Variants in MYRIP observed in about 807,000 individuals in gnomAD.
MYRIP encodes myosin VIIA and Rab interacting protein.
In MYRIP, 49 loss-of-function variants were observed where a neutral mutation model predicts 98.0. The ratio of observed to expected loss-of-function variants is 0.50; its 90% CI spans 0.40 to 0.63. The LOEUF is 0.63. Among genes scored for constraint, MYRIP ranks in the 30% least tolerant of loss-of-function variants. The pLI is 0.00. For missense variants in MYRIP, 1,004 were observed against 1,058.2 expected (o/e 0.95, Z 0.71); for synonymous variants, 404 against 409.5 (o/e 0.99, Z 0.16).
chr3:39,894,424 T>G (rs576064923), intron 1 of MYRIP, among the ~76,000 whole-genome samples: 1 of 152,336 alleles, frequency 6.6e-6, no homozygotes, highest in African/African-American at 2.4e-5. Context: ...AATATACCTA[T>G]ACCGTTATAT....
intron 3 of MYRIP, among the ~76,000 whole-genome samples, chr3:40,074,456 A>C (rs1301669717): frequency 1.3e-5 from 2 of 152,202 alleles, no homozygotes; most frequent in Non-Finnish European, 2.9e-5. Flanking sequence ...GTACATATTA[A>C]AATTAAAATA....
At chr3:40,052,117 T>C (rs1191547708) in intron 3 of MYRIP, among the ~76,000 whole-genome samples, 1 of 152,124 alleles carries the variant, frequency 6.6e-6, no homozygotes, top group African/African-American at 2.4e-5. Context: ...TACTATTGAA[T>C]ACTATAACTT....
At chr3:40,242,901 A>G (rs1477734789) in intron 12 of MYRIP, among the ~76,000 whole-genome samples, 1 of 151,676 alleles carries the variant, frequency 6.6e-6, no homozygotes, top group African/African-American at 2.4e-5. Context: ...AAATTTTGTG[A>G]TACATTATTT....
chr3:40,105,857 G>A (rs1208289796), intron 3 of MYRIP, among the ~76,000 whole-genome samples: 2 of 152,046 alleles, frequency 1.3e-5, no homozygotes, highest in African/African-American at 4.8e-5. Flanking sequence ...AACAGCATAG[G>A]GAAACTGCCC....
chr3:40,002,167 G>A (rs926278569), intron 2 of MYRIP, among the ~76,000 whole-genome samples: 3 of 152,162 alleles, frequency 2.0e-5, no homozygotes, highest in African/African-American at 7.2e-5. Flanking sequence ...AGAACTTAAG[G>A]TGTATGAACA....
chr3:40,052,709 T>C (rs934570927), intron 3 of MYRIP, among the ~76,000 whole-genome samples: 5 of 152,172 alleles, frequency 3.3e-5, no homozygotes, highest in Non-Finnish European at 7.3e-5. Context: ...TTAAATGCTG[T>C]ACAAAAATGA....
At chr3:40,098,886 A>AT (rs1948885618) in intron 3 of MYRIP, among the ~76,000 whole-genome samples, 1 of 140,108 alleles carries the variant, frequency 7.1e-6, no homozygotes, top group Non-Finnish European at 1.5e-5. Context: ...CTCCAGGCAT[A>AT]TATTAAGAGG....
chr3:40,232,097 C>T (rs1269082595), intron 11 of MYRIP, among the ~76,000 whole-genome samples: 1 of 152,202 alleles, frequency 6.6e-6, no homozygotes, highest in Non-Finnish European at 1.5e-5. Context: ...TGCCCTTATT[C>T]TAGTGGGTCT....
chr3:40,249,720 T>C (rs982922721), intron 13 of MYRIP, among the ~76,000 whole-genome samples: 7 of 152,134 alleles, frequency 4.6e-5, no homozygotes, highest in African/African-American at 1.7e-4. Flanking sequence ...GGGAGAGAGT[T>C]TCTCAAGGCT....
At chr3:40,044,305 G>T in intron 3 of MYRIP, 34 bp downstream of exon 3, 1 of 1,597,604 alleles carries the variant, frequency 6.3e-7, no homozygotes, top group South Asian at 1.1e-5. Context: ...GGTCTACACT[G>T]TTGATTTAGA....
At chr3:39,962,159 C>G (rs544127818) in intron 2 of MYRIP, among the ~76,000 whole-genome samples, 1 of 152,186 alleles carries the variant, frequency 6.6e-6, no homozygotes, top group East Asian at 1.9e-4. Flanking sequence ...AGCCTGTTTG[C>G]CCATCTATAG....
At chr3:40,041,522 G>A (rs1197749043) in intron 2 of MYRIP, among the ~76,000 whole-genome samples, 1 of 149,974 alleles carries the variant, frequency 6.7e-6, no homozygotes, top group Admixed American at 6.7e-5. Context: ...CCAAACTGAG[G>A]AACATTCGAC....
At chr3:39,815,381 G>A (rs1940867106) in intron 1 of MYRIP, among the ~76,000 whole-genome samples, 3 of 151,718 alleles carry the variant, frequency 2.0e-5, no homozygotes, top group Admixed American at 2.0e-4. Context: ...CTTTTTATTG[G>A]TGTATTTCAT....
intron 2 of MYRIP, among the ~76,000 whole-genome samples, chr3:40,043,513 G>A (rs1947593747): frequency 6.6e-6 from 1 of 151,964 alleles, no homozygotes; most frequent in Non-Finnish European, 1.5e-5. Context: ...ATCCAACTAT[G>A]AATCACCAGT....
chr3:39,920,644 T>C (rs757431577), intron 2 of MYRIP, among the ~76,000 whole-genome samples: 12 of 152,216 alleles, frequency 7.9e-5, no homozygotes, highest in Non-Finnish European at 1.5e-4. Context: ...AATGGATCAG[T>C]GGGCAAATGA....
intron 2 of MYRIP, among the ~76,000 whole-genome samples, chr3:39,950,231 T>C (rs1402310937): frequency 6.6e-6 from 1 of 152,190 alleles, no homozygotes; most frequent in African/African-American, 2.4e-5. Context: ...GCATTCCATG[T>C]TTGTATGTTT....
chr3:39,849,974 A>T (rs1942077981), intron 1 of MYRIP, among the ~76,000 whole-genome samples: 1 of 152,238 alleles, frequency 6.6e-6, no homozygotes, highest in Non-Finnish European at 1.5e-5. Flanking sequence ...GATTATCAGG[A>T]TGGTCACCAC....
At chr3:40,101,609 T>A (rs1399467955) in intron 3 of MYRIP, among the ~76,000 whole-genome samples, 2 of 152,178 alleles carry the variant, frequency 1.3e-5, no homozygotes, top group Non-Finnish European at 2.9e-5. Context: ...CTCTTTGTCC[T>A]GTTTTCTGGA....
At chr3:39,858,703 CA>C (rs1942376780) in intron 1 of MYRIP, among the ~76,000 whole-genome samples, 5 of 151,948 alleles carry the variant, frequency 3.3e-5, no homozygotes, top group Admixed American at 3.3e-4. Context: ...TTTCTGACCA[CA>C]ATGGTATGAA....
Sources: gnomAD v4.1 joint callset for allele counts (sites outside exome capture counted in the v4.1 genomes callset) on GRCh38, gnomAD v4.1.1 for gene constraint, MANE v1.5 for transcripts, NCBI Gene and HGNC (gene_info 2026-07-23, HGNC 2026-07-21) for gene names.